NHS: variants seen among roughly 807,000 people sequenced by gnomAD.
NHS encodes the protein actin remodeling regulator NHS.
In NHS, 5 loss-of-function variants were observed where a neutral mutation model predicts 72.5. That is an observed-to-expected ratio of 0.07 (90% CI 0.04 to 0.14). The LOEUF (loss-of-function observed/expected upper bound fraction) is 0.14. NHS is among the 10% of genes least tolerant of loss of function. NHS has a pLI of 1.00. For missense variants in NHS, 1,072 were observed against 1,355.7 expected, an observed-to-expected ratio of 0.79 and a Z score of 3.29; for synonymous variants, 464 against 547.7, an observed-to-expected ratio of 0.85 and a Z score of 2.13.
chrX:17,388,993 G>T (rs1156421779), intron 1 of NHS, among the ~76,000 whole-genome samples: 1 of 111,054 alleles, frequency 9.0e-6, no homozygotes, highest in Non-Finnish European at 1.9e-5. Flanking sequence ...CCTCCTCTCC[G>T]CTCTCACTCT....
At chrX:17,430,272 TTTCTTTC>T (rs2146874530) in intron 1 of NHS, among the ~76,000 whole-genome samples, 1 of 66,108 alleles carries the variant, frequency 1.5e-5, no homozygotes. Context: ...TCTTTCTTTC[TTTCTTTC>T]TTTCTTTCTT....
At chrX:17,537,588 C>A (rs1351145633) in intron 1 of NHS, among the ~76,000 whole-genome samples, 5 of 112,116 alleles carry the variant, frequency 4.5e-5, no homozygotes, top group Admixed American at 2.8e-4. Context: ...AGTATCAGGT[C>A]CCCCCAAAAT....
intron 1 of NHS, among the ~76,000 whole-genome samples, chrX:17,456,694 G>A (rs1204902175): frequency 8.9e-6 from 1 of 112,106 alleles, no homozygotes; most frequent in African/African-American, 3.2e-5. Flanking sequence ...CTACCTTGCA[G>A]GAGAGTTACA....
At chrX:17,628,764 A>G (rs982201581) in intron 1 of NHS, among the ~76,000 whole-genome samples, 1 of 113,199 alleles carries the variant, frequency 8.8e-6, no homozygotes, top group African/African-American at 3.2e-5. Flanking sequence ...GCCTTGGGCA[A>G]GTTGTTTAAC....
rs1354154645 is a variant in NHS, at chrX:17,734,431, T to A, written c.*1967T>A. ...TGTTTTCACTACCAAACTGTGTTACTAAATTTCTTGTCATCCTTGTATGTA... is the reference window on the plus strand; with the variant it reads ...TGTTTTCACTACCAAACTGTGTTACAAAATTTCTTGTCATCCTTGTATGTA... On this transcript the variant is annotated 3_prime_UTR_variant, in exon 9 of 9. Transcript: ENST00000676302. 1 of 112,082 alleles carries A rather than the reference T, an allele frequency of 8.9e-6. No homozygotes were observed. The highest frequency in any genetic ancestry group is 9.5e-5 in the Admixed American group (1 of 10,521). 9.2% of individuals were successfully genotyped at this position (112,082 alleles called of 1,213,427 possible).
chrX:17,718,683 C>G (rs1483203971), intron 3 of NHS, among the ~76,000 whole-genome samples: 3 of 65,752 alleles, frequency 4.6e-5, no homozygotes, highest in Non-Finnish European at 8.2e-5. Context: ...AGAAGGAAAG[C>G]AAAAAGGAAG....
At chrX:17,593,640 T>C (rs1381691312) in intron 1 of NHS, among the ~76,000 whole-genome samples, 1 of 111,687 alleles carries the variant, frequency 9.0e-6, no homozygotes, top group African/African-American at 3.3e-5. Context: ...CTTATCAGTG[T>C]GGAACTGAGC....
At chrX:17,561,449 C>T (rs1374307568) in intron 1 of NHS, among the ~76,000 whole-genome samples, 3 of 109,692 alleles carry the variant, frequency 2.7e-5, no homozygotes, top group African/African-American at 3.3e-5. Context: ...TAAAAAGTCC[C>T]GTCTTGTAGG....
intron 1 of NHS, chrX:17,426,044 C>A (rs2064655264): frequency 8.9e-6 from 1 of 111,806 alleles, no homozygotes. Context: ...TATTTCATTC[C>A]TAAACCCGTG....
chrX:17,677,946 G>A (rs188637524), intron 1 of NHS, among the ~76,000 whole-genome samples: 49 of 110,958 alleles, frequency 4.4e-4, no homozygotes, highest in African/African-American at 1.4e-3. Flanking sequence ...GATTACAGGC[G>A]CATGCCACCA....
intron 1 of NHS, among the ~76,000 whole-genome samples, chrX:17,385,750 C>T (rs1156734493): frequency 1.8e-5 from 2 of 111,638 alleles, no homozygotes; most frequent in African/African-American, 6.5e-5. Flanking sequence ...CAAACAGTTT[C>T]CATATATATA....
In NHS at chrX:17,695,413, T is replaced by A. The variant is rs772327321; in HGVS notation, c.852+2945T>A. 6.2e-5 allele frequency among the ~76,000 whole-genome samples: 7 copies of A among 112,475 alleles called. No individual in the cohort carries two copies. The South Asian group carries it at 2.6e-3, about 41-fold the overall frequency. On this transcript the variant is annotated intron_variant, in intron 3 of 8. Transcript: ENST00000676302. ...AAAAATAGTGTTAGAGAAGAATATT[T>A]AATGACATGGGAAAATGTATATTTT...
At chrX:17,442,539 A>G (rs1431328807) in intron 1 of NHS, among the ~76,000 whole-genome samples, 1 of 112,469 alleles carries the variant, frequency 8.9e-6, no homozygotes, top group Non-Finnish European at 1.9e-5. Context: ...ACTTGGTTTG[A>G]CTAGAGAGGA....
chrX:17,656,181 C>T (rs969638570), intron 1 of NHS, among the ~76,000 whole-genome samples: 9 of 113,070 alleles, frequency 8.0e-5, no homozygotes, highest in African/African-American at 2.2e-4. Flanking sequence ...GGAGCCGGCG[C>T]GGGGCCCGGC....
chrX:17,539,920 G>A (rs1361797840), intron 1 of NHS, among the ~76,000 whole-genome samples: 2 of 112,258 alleles, frequency 1.8e-5, no homozygotes, highest in East Asian at 5.6e-4. Flanking sequence ...AGCCACATGT[G>A]GAGATGGTGG....
chrX:17,635,356 A>G (rs2065840214), intron 1 of NHS: 3 of 1,114,684 alleles, frequency 2.7e-6, no homozygotes, highest in Non-Finnish European at 3.5e-6. Context: ...GGGTGAGACC[A>G]TCTCCCCCTC....
chrX:17,674,022 C>T (rs750112888), intron 1 of NHS, among the ~76,000 whole-genome samples: 12 of 111,794 alleles, frequency 1.1e-4, no homozygotes, highest in Middle Eastern at 4.6e-3. Flanking sequence ...AACTGCTTGA[C>T]GGCACTGACG....
At chrX:17,660,309 T>C (rs1177615427) in intron 1 of NHS, among the ~76,000 whole-genome samples, 1 of 112,301 alleles carries the variant, frequency 8.9e-6, no homozygotes, top group African/African-American at 3.2e-5. Context: ...ACCATAACCT[T>C]TGGTGCAAGA....
Position 17,436,057 on chromosome X carries a change from T to C in NHS, c.565+59735T>C, listed in dbSNP as rs781136063. On this transcript the variant is annotated intron_variant, in intron 1 of 8. Coordinates refer to ENST00000676302, the MANE Select transcript of NHS (RefSeq NM_001291867.2). Reference sequence around the variant, plus strand: ...TGAAAAGCAAACAACTTTGCTCTTATTTAGAAAGCATGAAACCAGTGCCTT... The same window carrying C: ...TGAAAAGCAAACAACTTTGCTCTTACTTAGAAAGCATGAAACCAGTGCCTT... Among the ~76,000 whole-genome samples the C allele has an allele frequency of 1.2e-4, 14 of 112,575 alleles. No homozygotes were observed. In the South Asian group the frequency reaches 4.8e-3, roughly 39 times the overall value.
Sources: allele counts gnomAD v4.1 joint callset (sites outside exome capture counted in the v4.1 genomes callset), GRCh38; gene constraint gnomAD v4.1.1; transcripts MANE v1.5; gene names NCBI Gene and HGNC (gene_info 2026-07-23, HGNC 2026-07-21).